FBN2: variants seen among roughly 807,000 people sequenced by gnomAD.
FBN2 encodes fibrillin-2.
In FBN2, 105 loss-of-function variants were observed where a neutral mutation model predicts 355.6. The observed-to-expected ratio is 0.30, with a 90% CI of 0.25 to 0.35. FBN2 has a LOEUF of 0.35. Ranked by LOEUF, FBN2 falls within the 10% of genes least tolerant of loss-of-function variation. The pLI is 1.00. For missense variants in FBN2, 3,280 were observed against 3,758.7 expected (o/e 0.87, Z 3.33); for synonymous variants, 1,350 against 1,301.2 (o/e 1.04, Z -0.81).
At chr5:128,324,785 CT>C (rs537071252) in intron 34 of FBN2, among the ~76,000 whole-genome samples, 319 of 151,814 alleles carry the variant, frequency 2.1e-3, no homozygotes, top group African/African-American at 7.0e-3. Context: ...GCCCGGCTAA[CT>C]TTTTTTGTAT....
chr5:128,522,199 G>A (rs1302521192), intron 4 of FBN2, among the ~76,000 whole-genome samples: 1 of 152,128 alleles, frequency 6.6e-6, no homozygotes, highest in East Asian at 1.9e-4. Context: ...TCTCTCATGT[G>A]AGAGTGGGTT....
At chr5:128,441,504 A>G (rs1753920751) in intron 7 of FBN2, among the ~76,000 whole-genome samples, 1 of 152,316 alleles carries the variant, frequency 6.6e-6, no homozygotes, top group East Asian at 1.9e-4. Context: ...TTTCATCTCT[A>G]AGGTGAGTTA....
chr5:128,438,685 A>G (rs1039588656), intron 7 of FBN2, among the ~76,000 whole-genome samples: 3 of 152,194 alleles, frequency 2.0e-5, no homozygotes, highest in African/African-American at 7.2e-5. Flanking sequence ...AGCTTTGTAT[A>G]CATTGTTCCG....
intron 11 of FBN2, among the ~76,000 whole-genome samples, chr5:128,381,170 T>C (rs180707570): frequency 6.6e-6 from 1 of 152,068 alleles, no homozygotes; most frequent in Admixed American, 6.6e-5. Context: ...ATTAAAAACA[T>C]TGCTAACAGC....
At chr5:128,374,847 GT>G in intron 14 of FBN2, 97 bp from the exon 15 acceptor site, 1 of 1,284,866 alleles carries the variant, frequency 7.8e-7, no homozygotes, top group Non-Finnish European at 1.1e-6. Context: ...CTAACCTTTT[GT>G]TTATAACTTT....
At chr5:128,302,443 T>C (rs1344693027) in intron 46 of FBN2, among the ~76,000 whole-genome samples, 2 of 152,182 alleles carry the variant, frequency 1.3e-5, no homozygotes, top group Non-Finnish European at 2.9e-5. Flanking sequence ...AAGTCCTGTA[T>C]GGCGCATAGG....
At chr5:128,345,708 T>C in intron 23 of FBN2, 124 bp from the exon 24 acceptor site, 4 of 822,926 alleles carry the variant, frequency 4.9e-6, no homozygotes, top group Admixed American at 4.0e-5. Context: ...GTGGGCAAGA[T>C]GCAGTCCCTG....
At chr5:128,310,402 ATTTTTTT>A (rs199690802) in intron 39 of FBN2, among the ~76,000 whole-genome samples, 13 of 23,292 alleles carry the variant, frequency 5.6e-4, no homozygotes, top group Admixed American at 1.1e-3. Flanking sequence ...ATATATATAT[ATTTTTTT>A]TTTTTTTTTT....
At chr5:128,301,580 T>G in intron 46 of FBN2, 70 bp from the exon 47 acceptor site, 1 of 1,448,874 alleles carries the variant, frequency 6.9e-7, no homozygotes, top group South Asian at 1.1e-5. Context: ...AAGACGCTAC[T>G]TAAAAACATA....
chr5:128,379,716 G>A (rs931933208), intron 11 of FBN2, among the ~76,000 whole-genome samples: 6 of 152,024 alleles, frequency 3.9e-5, no homozygotes, highest in Admixed American at 2.6e-4. Flanking sequence ...GAGAAATCAC[G>A]TGTGCCAGTA....
At chr5:128,318,733 T>C (rs1750284021) in intron 35 of FBN2, 146 bp downstream of exon 35, 1 of 669,764 alleles carries the variant, frequency 1.5e-6, no homozygotes, top group Admixed American at 2.7e-5. Flanking sequence ...TACAAATAAA[T>C]GCATCTGAAT....
intron 32 of FBN2, among the ~76,000 whole-genome samples, chr5:128,331,175 A>T (rs1750682437): frequency 6.6e-6 from 1 of 152,236 alleles, no homozygotes; most frequent in African/African-American, 2.4e-5. Flanking sequence ...AAAAAAACTA[A>T]ATCTTGCTAT....
At chr5:128,514,395 T>C (rs185279911) in intron 5 of FBN2, among the ~76,000 whole-genome samples, 6 of 152,270 alleles carry the variant, frequency 3.9e-5, no homozygotes, top group Admixed American at 3.9e-4. Context: ...TTGTTCCTAC[T>C]CCTATTACGG....
At position 128,305,598 on chromosome 5, in the gene FBN2, G is replaced by A. The variant is rs1192632165; in HGVS notation, c.5587C>T (p.Arg1863Trp). Reference sequence around the variant, plus strand: ...GGACTATTGATGCAGTCTGCATTCCGCTGGCAGAGATTATCACCATTGCTG... The same window carrying A: ...GGACTATTGATGCAGTCTGCATTCCACTGGCAGAGATTATCACCATTGCTG... ...ECSNGDNLCQRNADCINSPGS... is the reference protein window; with the variant it reads ...ECSNGDNLCQWNADCINSPGS... The change falls in exon 44 of 65, where the codon CGG (arginine) becomes TGG (tryptophan). Residue 1863 changes from arginine to tryptophan, a missense_variant. Physicochemically the swap from Arg to Trp is moderately radical, Grantham distance 101. Around this residue, in one of 6 missense-constraint regions of FBN2, gnomAD observed 2,284 missense variants for 2,749.5 expected, o/e 0.83. Transcript: ENST00000262464. 29 of 1,613,818 alleles carry A rather than the reference G, an allele frequency of 1.8e-5. No homozygotes were observed. The highest frequency in any genetic ancestry group is 3.3e-4 in the Middle Eastern group (2 of 6,060).
chr5:128,299,207 C>T (rs60784307), intron 48 of FBN2, among the ~76,000 whole-genome samples: 6,826 of 151,158 alleles, frequency 0.045, 522 homozygotes, highest in African/African-American at 0.16. Context: ...TCTCCAGCTG[C>T]GTGCTGGGAG....
At chr5:128,311,484 T>C in intron 38 of FBN2, 59 bp from the exon 39 acceptor site, 1 of 1,572,678 alleles carries the variant, frequency 6.4e-7, no homozygotes, top group Non-Finnish European at 8.7e-7. Context: ...TAAGAGTTAA[T>C]ATTAGAGCTT....
Position 128,446,973 on chromosome 5 carries a change from C to T in FBN2, c.827-367G>A, listed in dbSNP as rs575676386. Among the ~76,000 whole-genome samples the T allele has an allele frequency of 2.0e-4, 30 of 152,266 alleles. No individual in the cohort carries two copies. The East Asian group carries it at 3.3e-3, about 17-fold the overall frequency. Reference sequence around the variant, plus strand: ...AAATTAACACTTTTATCATTTCTTACGCCTGTCTTTACTGCAATCTCTGAA... The same window carrying T: ...AAATTAACACTTTTATCATTTCTTATGCCTGTCTTTACTGCAATCTCTGAA... On this transcript the variant is annotated intron_variant, in intron 6 of 64. Transcript: ENST00000262464.
chr5:128,530,629 A>G lies in FBN2; in HGVS notation c.402T>C (p.Ser134=), dbSNP rs189523150. The change falls in exon 3 of 65, where the codon AGT becomes AGC. Residue 134 remains serine, a synonymous_variant. Coordinates refer to ENST00000262464, the MANE Select transcript of FBN2 (RefSeq NM_001999.4). ...ATCCACAGGTTGATGATATTTGCCC[A>G]CTGGAACAAGTACACATGTTAGGAC... The part of the protein sequence containing the change: ...CSRPNMCTCS[S]GQISSTCGSK... 2.0e-5 allele frequency: 32 copies of G among 1,613,248 alleles called. No individual in the cohort carries two copies. In the East Asian group the frequency reaches 6.9e-4, roughly 35 times the overall value.
chr5:128,281,146 G>A (rs975739486), intron 55 of FBN2, among the ~76,000 whole-genome samples: 1 of 151,774 alleles, frequency 6.6e-6, no homozygotes, highest in Admixed American at 6.6e-5. Context: ...TTCAATTTTG[G>A]TACTACAATT....
Sources: allele counts gnomAD v4.1 joint callset (sites outside exome capture counted in the v4.1 genomes callset), GRCh38; gene constraint gnomAD v4.1.1; regional missense constraint gnomAD v4.1.1; transcripts MANE v1.5; gene names NCBI Gene and HGNC (gene_info 2026-07-23, HGNC 2026-07-21).